VPS13B: variants seen among roughly 807,000 people sequenced by gnomAD.
VPS13B encodes the protein vacuolar protein sorting 13 homolog B.
A neutral mutation model predicts 426.4 loss-of-function variants in VPS13B; 285 were observed. The ratio of observed to expected loss-of-function variants is 0.67; its 90% CI spans 0.61 to 0.74. VPS13B has a LOEUF of 0.74. VPS13B is among the 30% of genes least tolerant of loss of function. The pLI is 0.00. For synonymous variants in VPS13B, 1,676 were observed against 1,676.4 expected, an observed-to-expected ratio of 1.00 and a Z score of 0.01; for missense variants, 4,537 against 4,782.6, an observed-to-expected ratio of 0.95 and a Z score of 1.51.
At chr8:99,069,088 G>A (rs928662679) in intron 3 of VPS13B, among the ~76,000 whole-genome samples, 3 of 152,038 alleles carry the variant, frequency 2.0e-5, no homozygotes, top group Non-Finnish European at 4.4e-5. Context: ...TTGCATGTTG[G>A]TAATTGCTAA....
chr8:99,637,865 A>C (rs1316695586), intron 33 of VPS13B, among the ~76,000 whole-genome samples: 1 of 152,140 alleles, frequency 6.6e-6, no homozygotes. Flanking sequence ...AAAGAATGAA[A>C]ATAGCTTATA....
chr8:99,582,780 C>T (rs1339809845), intron 33 of VPS13B, among the ~76,000 whole-genome samples: 5 of 152,094 alleles, frequency 3.3e-5, no homozygotes, highest in East Asian at 1.9e-4. Flanking sequence ...CTCAGCCTCC[C>T]GAGTAGCTGG....
intron 35 of VPS13B, chr8:99,696,848 C>A: frequency 1.1e-6 from 1 of 947,802 alleles, no homozygotes; most frequent in Non-Finnish European, 1.7e-6. Flanking sequence ...GCCGTGCAAG[C>A]TGCTGGAGCT....
intron 19 of VPS13B, among the ~76,000 whole-genome samples, chr8:99,305,935 ACT>A (rs1173123541): frequency 2.0e-5 from 3 of 151,784 alleles, no homozygotes; most frequent in East Asian, 3.9e-4. Flanking sequence ...GTACTAATCA[ACT>A]CTGTCAAAAA....
rs1476078907 is a variant in VPS13B, at chr8:99,351,431, A to AGTGTGTGTGTGT, written c.2825-32776_2825-32775insTGTGTGTGTGTG. 8.9e-4 allele frequency among the ~76,000 whole-genome samples: 131 copies of AGTGTGTGTGTGT among 147,608 alleles called. 2 individuals are homozygous for AGTGTGTGTGTGT. Among genetic ancestry groups the AGTGTGTGTGTGT allele is most frequent in the African/African-American group, 3.1e-3 (122 of 39,558 alleles). On this transcript the variant is annotated intron_variant, in intron 19 of 61. Transcript: ENST00000357162. ...TTCTCCTTCCTCAAGAGAGAGAGAG[A>AGTGTGTGTGTGT]GAGAGTGTGTGTGTGTGTGTGTGTG...
At position 99,351,701 on chromosome 8, in the gene VPS13B, A is replaced by G. The variant is rs77190048; in HGVS notation, c.2825-32507A>G. Among the ~76,000 whole-genome samples the G allele has an allele frequency of 7.3e-4, 111 of 152,210 alleles. 2 individuals carry two copies. Among genetic ancestry groups the G allele is most frequent in the African/African-American group, 2.3e-3 (97 of 41,538 alleles). ...AAATTACTAGTATCAGATGTAGTAT[A>G]AATAACAAATATACATCTTACTTAT... is the stretch of plus-strand genomic sequence containing the variant. On this transcript the variant is annotated intron_variant, in intron 19 of 61. Coordinates refer to ENST00000357162, the MANE Select transcript of VPS13B (RefSeq NM_152564.5).
chr8:99,701,835 C>T (rs1014403817), intron 36 of VPS13B, among the ~76,000 whole-genome samples: 1 of 152,010 alleles, frequency 6.6e-6, no homozygotes, highest in Non-Finnish European at 1.5e-5. Context: ...CATACTCAAA[C>T]AGTTTAGGAT....
At chr8:99,032,116 G>A (rs1842532422) in intron 2 of VPS13B, among the ~76,000 whole-genome samples, 1 of 152,184 alleles carries the variant, frequency 6.6e-6, no homozygotes, top group Admixed American at 6.5e-5. Context: ...CTCGTCAATA[G>A]GGAGTCCCTT....
rs1172621019 is a variant in VPS13B at position 99,700,129 on chromosome 8, A to G, written c.6454+197A>G. Among the ~76,000 whole-genome samples, 3 of 152,270 alleles carry G rather than the reference A, an allele frequency of 2.0e-5. No homozygotes were observed. In the East Asian group the frequency reaches 5.8e-4, roughly 29 times the overall value. On this transcript the variant is annotated intron_variant, in intron 36 of 61. Transcript: ENST00000357162. ...CAAATCCTTTAAGTAATGTCTAAACAGAAATGTTCCTGTCCTCTTGAGGCA... is the reference window on the plus strand; with the variant it reads ...CAAATCCTTTAAGTAATGTCTAAACGGAAATGTTCCTGTCCTCTTGAGGCA...
At chr8:99,516,583 G>T (rs1191841418) in intron 29 of VPS13B, among the ~76,000 whole-genome samples, 1 of 151,844 alleles carries the variant, frequency 6.6e-6, no homozygotes, top group Non-Finnish European at 1.5e-5. Flanking sequence ...GAGCCTAGGA[G>T]TTTGAGACTA....
rs117161338 is a variant in VPS13B at position 99,630,776 on chromosome 8, C to G, written c.5221-11035C>G. ...ATATTGAAAGTGTTCTGAGAGTAAT[C>G]TGGCAGTGCTATATGGGATATATTA... is the stretch of plus-strand genomic sequence containing the variant. On this transcript the variant is annotated intron_variant, in intron 33 of 61. Coordinates refer to ENST00000357162, the MANE Select transcript of VPS13B (RefSeq NM_152564.5). Among the ~76,000 whole-genome samples, 1,166 of 152,114 alleles carry G rather than the reference C, an allele frequency of 7.7e-3. 9 individuals carry two copies. The highest frequency in any genetic ancestry group is 0.014 in the Middle Eastern group (4 of 292).
At chr8:99,079,832 G>A (rs1280067796) in intron 3 of VPS13B, among the ~76,000 whole-genome samples, 1 of 151,738 alleles carries the variant, frequency 6.6e-6, no homozygotes, top group Non-Finnish European at 1.5e-5. Context: ...GGCTGAGGCA[G>A]GAGAATCGCT....
intron 25 of VPS13B, among the ~76,000 whole-genome samples, chr8:99,497,080 A>G (rs916498046): frequency 6.9e-6 from 1 of 143,992 alleles, no homozygotes; most frequent in African/African-American, 2.5e-5. Context: ...TATTTGTAAT[A>G]TATATAAATA....
intron 14 of VPS13B, among the ~76,000 whole-genome samples, chr8:99,153,323 A>G (rs1360298247): frequency 1.3e-5 from 2 of 152,232 alleles, no homozygotes; most frequent in Non-Finnish European, 2.9e-5. Flanking sequence ...TAATTGGACT[A>G]ACATCAACCA....
chr8:99,016,569 A>T (rs1242263052), intron 2 of VPS13B, among the ~76,000 whole-genome samples: 69 of 70,958 alleles, frequency 9.7e-4, no homozygotes, highest in South Asian at 1.7e-3. Flanking sequence ...TTTCTGTCTT[A>T]TTGATATATA....
chr8:99,021,659 C>G (rs1841897758), intron 2 of VPS13B, among the ~76,000 whole-genome samples: 1 of 151,818 alleles, frequency 6.6e-6, no homozygotes, highest in Non-Finnish European at 1.5e-5. Flanking sequence ...AAGTCTCACT[C>G]TGTTGCACAG....
At chr8:99,050,956 A>C (rs1334162325) in intron 3 of VPS13B, among the ~76,000 whole-genome samples, 2 of 152,092 alleles carry the variant, frequency 1.3e-5, no homozygotes, top group African/African-American at 4.8e-5. Flanking sequence ...GTAGATTGCA[A>C]AATTTTTTTC....
At chr8:99,851,597 T>C (rs554372929) in intron 55 of VPS13B, among the ~76,000 whole-genome samples, 17 of 152,054 alleles carry the variant, frequency 1.1e-4, no homozygotes, top group Non-Finnish European at 2.2e-4. Context: ...GGGTTAGTAA[T>C]GTGACTATCT....
At chr8:99,825,169 T>C (rs1045808875) in intron 51 of VPS13B, among the ~76,000 whole-genome samples, 4 of 152,192 alleles carry the variant, frequency 2.6e-5, no homozygotes, top group Non-Finnish European at 5.9e-5. Context: ...TTCCAATGGT[T>C]GGTTTAATTT....
Sources: allele counts gnomAD v4.1 joint callset (sites outside exome capture counted in the v4.1 genomes callset), GRCh38; gene constraint gnomAD v4.1.1; transcripts MANE v1.5; gene names NCBI Gene and HGNC (gene_info 2026-07-23, HGNC 2026-07-21).